The following RYR1 variants were observed in gnomAD, a reference collection of about 807,000 sequenced individuals.
RYR1 encodes ryanodine receptor 1.
A neutral mutation model predicts 583.5 loss-of-function variants in RYR1; 342 were observed. That is an observed-to-expected ratio of 0.59 (90% CI 0.54 to 0.64). The LOEUF (loss-of-function observed/expected upper bound fraction) is 0.64, where lower values mean the gene tolerates loss of function less well. RYR1 is among the 30% of genes least tolerant of loss of function. The pLI is 0.00. For missense variants in RYR1, 6,032 were observed against 6,917.2 expected (o/e 0.87, Z 4.54); for synonymous variants, 2,791 against 2,822.5 (o/e 0.99, Z 0.35).
Position 38,455,512 on chromosome 19 carries a change from G to C in RYR1, c.1638G>C (p.Leu546=). 1 of 1,614,140 alleles carries C rather than the reference G, an allele frequency of 6.2e-7. No homozygotes were observed. Among genetic ancestry groups the C allele is most frequent in the Non-Finnish European group, 8.5e-7 (1 of 1,180,034 alleles). ...CALFSTNLDW[L]VSKLDRLEAS... ...TCTTCTCCACAAACTTGGACTGGCT[G>C]GTCAGCAAGCTGGATCGGCTGGAGG... Residue 546 remains leucine (L), a synonymous_variant, in exon 15 of 106, where the codon CTG becomes CTC. Transcript: ENST00000359596.
chr19:38,529,435 A>G (rs570573089), intron 76 of RYR1, among the ~76,000 whole-genome samples: 20 of 152,208 alleles, frequency 1.3e-4, no homozygotes, highest in African/African-American at 3.9e-4. Context: ...AGCCGAGATC[A>G]TACCACTGCA....
intron 33 of RYR1, among the ~76,000 whole-genome samples, chr19:38,484,777 A>G (rs550671009): frequency 6.6e-6 from 1 of 152,156 alleles, no homozygotes; most frequent in African/African-American, 2.4e-5. Flanking sequence ...TGAAACCACC[A>G]GGAAGCACAG....
chr19:38,499,241 A>G lies in RYR1; in HGVS notation c.7025A>G (p.Asn2342Ser), dbSNP rs147213895. The G allele has an allele frequency of 1.5e-3, 2,438 of 1,614,118 alleles. 3 individuals carry two copies. Among genetic ancestry groups the G allele is most frequent in the Non-Finnish European group, 1.8e-3 (2,145 of 1,180,004 alleles). The change falls in exon 43 of 106, where the codon AAC becomes AGC. Residue 2342 changes from asparagine to serine, a missense_variant and splice_region_variant. Around this residue, in one of 11 missense-constraint regions of RYR1, gnomAD observed 2,627 missense variants for 2,961.3 expected, o/e 0.89. Transcript: ENST00000359596. The surrounding 1 kb of genome is among the most constrained non-coding windows in gnomAD (Gnocchi z 7.3). ...TTCCTGCGCTTTGCTGTCTTCGTCA[A>G]CGGTGAGGAGGGGGTGGCAGTGGCA... ...LDFLRFAVFV[N>S]GESVEENANV...
chr19:38,433,744 C>CA lies in RYR1; in HGVS notation c.-85dup. On this transcript the variant is annotated 5_prime_UTR_variant, in exon 1 of 106. Coordinates refer to ENST00000359596, the MANE Select transcript of RYR1 (RefSeq NM_000540.3). ...TGGTGTCTCCAGAGGTCTCCGACCC[C>CA]AGCCCGCCCCCAGCCCTCCCGCCCA... 15 of 714,390 alleles carry CA rather than the reference C, an allele frequency of 2.1e-5. No individual in the cohort carries two copies. Among genetic ancestry groups the CA allele is most frequent in the Admixed American group, 7.9e-5 (4 of 50,900 alleles). The allele number at this position is 714,390 out of a possible 1,614,324, so 44.3% of individuals were successfully genotyped here.
intron 101 of RYR1, among the ~76,000 whole-genome samples, chr19:38,583,463 G>C (rs1020440474): frequency 1.5e-5 from 2 of 131,162 alleles, no homozygotes; most frequent in African/African-American, 5.9e-5. Flanking sequence ...GGGCAACAGA[G>C]CAAGACTCTG....
At position 38,573,110 on chromosome 19, in the gene RYR1, C is replaced by T. The variant is rs202247361; in HGVS notation, c.13999-67C>T. On this transcript the variant is annotated intron_variant, in intron 95 of 105. Transcript: ENST00000359596. ...CACAGACCCCAGCAAGATGTCATGG[C>T]TTCTGCTGAGACTATGGTCCAGCCA... 1.9e-4 allele frequency: 310 copies of T among 1,606,876 alleles called. 1 individual carries two copies. Among genetic ancestry groups the T allele is most frequent in the Non-Finnish European group, 2.7e-5 (32 of 1,175,866 alleles).
In RYR1 at chr19:38,502,551, C is replaced by T. The variant is rs768079038; in HGVS notation, c.7659C>T (p.Tyr2553=). 3.1e-6 allele frequency: 5 copies of T among 1,611,582 alleles called. No individual in the cohort carries two copies. The highest frequency in any genetic ancestry group is 3.3e-5 in the Admixed American group (2 of 59,994). ...AGATGGCGCTGGCGCTGAACCGCTACCTGTGCCTGGCCGTGCTGCCGCTCA... is the reference window on the plus strand; with the variant it reads ...AGATGGCGCTGGCGCTGAACCGCTATCTGTGCCTGGCCGTGCTGCCGCTCA... ...TTEMALALNR[Y]LCLAVLPLIT... is the part of the protein sequence containing the mutation. The change falls in exon 48 of 106, where the codon TAC becomes TAT. Residue 2553 remains tyrosine, a synonymous_variant. Coordinates refer to ENST00000359596, the MANE Select transcript of RYR1 (RefSeq NM_000540.3).
chr19:38,576,100 C>T (rs1316698794), intron 97 of RYR1, 139 bp downstream of exon 97: 30 of 898,944 alleles, frequency 3.3e-5, no homozygotes, highest in Admixed American at 7.5e-5. Flanking sequence ...CCTCAGTTTC[C>T]CCATGGGGAG....
chr19:38,585,721 G>T lies in RYR1; in HGVS notation c.14804-217G>T, dbSNP rs541763138. Among the ~76,000 whole-genome samples, 3 of 152,026 alleles carry T rather than the reference G, an allele frequency of 2.0e-5. No individual in the cohort carries two copies. In the East Asian group the frequency reaches 5.8e-4, roughly 29 times the overall value. On this transcript the variant is annotated intron_variant, in intron 102 of 105. Transcript: ENST00000359596. ...TGCTCTTGAACTCCTCACCTCAGAT[G>T]ATCCGCCCACCTCAGCCTCCCAAAG...
intron 1 of RYR1, among the ~76,000 whole-genome samples, chr19:38,439,312 G>C (rs896059826): frequency 1.3e-5 from 2 of 151,970 alleles, no homozygotes; most frequent in African/African-American, 4.8e-5. Flanking sequence ...CCATTCTCCT[G>C]CCTCAGCCTC....
Position 38,532,654 on chromosome 19 carries a change from T to C in RYR1, c.11194-17T>C. ...GGGTCTGCTTTGTTCATCCCTTAAC[T>C]GATGCCCCCTCCCCAGAGCTGCCAC... is the stretch of plus-strand genomic sequence containing the variant. On this transcript the variant is annotated splice_polypyrimidine_tract_variant and intron_variant, in intron 77 of 105. Coordinates refer to ENST00000359596, the MANE Select transcript of RYR1 (RefSeq NM_000540.3). 2 of 1,614,084 alleles carry C rather than the reference T, an allele frequency of 1.2e-6. No individual in the cohort carries two copies. The highest frequency in any genetic ancestry group is 2.2e-5 in the South Asian group (2 of 91,072).
At chr19:38,545,404 A>G (rs778462793) in intron 87 of RYR1, among the ~76,000 whole-genome samples, 3 of 152,208 alleles carry the variant, frequency 2.0e-5, no homozygotes, top group Non-Finnish European at 4.4e-5. Flanking sequence ...GTGGAAATAC[A>G]TTAGGATTGG....
At chr19:38,511,326 A>G (rs1444691401) in intron 60 of RYR1, among the ~76,000 whole-genome samples, 1 of 151,746 alleles carries the variant, frequency 6.6e-6, no homozygotes, top group Admixed American at 6.6e-5. Context: ...AATAATAAGA[A>G]AGGCTGACTC....
At chr19:38,584,794 G>A (rs895322014) in intron 101 of RYR1, 149 bp from the exon 102 acceptor site, 2 of 895,468 alleles carry the variant, frequency 2.2e-6, no homozygotes, top group South Asian at 3.0e-5. Context: ...GTTGGTCCCT[G>A]TCTGATGCCG....
At chr19:38,477,971 G>A (rs1470860908) in intron 30 of RYR1, 101 bp downstream of exon 30, 1 of 1,210,516 alleles carries the variant, frequency 8.3e-7, no homozygotes, top group Non-Finnish European at 1.2e-6. Flanking sequence ...GTGGGACCTA[G>A]GAACTTTCTG....
At chr19:38,562,744 C>T (rs1973207016) in intron 90 of RYR1, among the ~76,000 whole-genome samples, 1 of 152,190 alleles carries the variant, frequency 6.6e-6, no homozygotes. Flanking sequence ...GAGTCCCAGG[C>T]CCTTGCACAC....
intron 70 of RYR1, among the ~76,000 whole-genome samples, 168 bp downstream of exon 70, chr19:38,524,097 C>A (rs1971355065): frequency 6.7e-6 from 1 of 148,264 alleles, no homozygotes; most frequent in Non-Finnish European, 1.5e-5. Flanking sequence ...CCCACCACCC[C>A]CATCCGTTCC....
intron 90 of RYR1, among the ~76,000 whole-genome samples, chr19:38,562,544 G>A (rs1348253053): frequency 6.6e-6 from 1 of 152,080 alleles, no homozygotes; most frequent in East Asian, 1.9e-4. Flanking sequence ...TCATGAGTGG[G>A]CCCTTCATAT....
intron 84 of RYR1, 92 bp downstream of exon 84, chr19:38,538,052 C>G: frequency 1.7e-6 from 2 of 1,195,350 alleles, no homozygotes; most frequent in African/African-American, 1.5e-5. Context: ...CTCCTCCTCC[C>G]CCGGTCAATG....
Sources: gnomAD v4.1 joint callset for allele counts (sites outside exome capture counted in the v4.1 genomes callset) on GRCh38, gnomAD v4.1.1 for gene constraint, gnomAD v4.1.1 regional missense constraint, Gnocchi (gnomAD v3.1) non-coding constraint, MANE v1.5 for transcripts, NCBI Gene and HGNC (gene_info 2026-07-23, HGNC 2026-07-21) for gene names.